Variants in FLI1 observed in about 807,000 individuals in gnomAD.
The protein encoded by FLI1 is Friend leukemia integration 1 transcription factor.
Under a neutral mutation model 53.1 loss-of-function variants are expected in FLI1, and 13 were observed. The observed-to-expected ratio is 0.24, with a 90% CI of 0.16 to 0.39. FLI1 has a LOEUF of 0.39. Among genes scored for constraint, FLI1 ranks in the 10% least tolerant of loss-of-function variants. The probability of loss-of-function intolerance (pLI) is 1.00; values close to 1 mark genes in which losing one functional copy is unlikely to be tolerated. For synonymous variants in FLI1, 244 were observed against 236.7 expected (o/e 1.03, Z -0.28); for missense variants, 424 against 600.5 (o/e 0.71, Z 3.07).
chr11:128,804,235 G>T (rs1342451008), intron 5 of FLI1: 1 of 152,206 alleles, frequency 6.6e-6, no homozygotes, highest in Non-Finnish European at 1.5e-5. Flanking sequence ...CTCAGAAGGG[G>T]CTGAAGGGCA....
chr11:128,752,239 A>C (rs763081849), intron 1 of FLI1, among the ~76,000 whole-genome samples: 3 of 151,442 alleles, frequency 2.0e-5, no homozygotes, highest in Non-Finnish European at 4.4e-5. Flanking sequence ...GCCTTCCAAA[A>C]TGCTGGGATT....
chr11:128,691,738 C>G (rs2135678911), upstream of FLI1: 1 of 152,576 alleles, frequency 6.6e-6, no homozygotes. Context: ...GTGGGGGAGG[C>G]AGCTGGTGCT....
intron 1 of FLI1, among the ~76,000 whole-genome samples, chr11:128,735,219 A>G (rs978436878): frequency 3.9e-5 from 6 of 152,234 alleles, no homozygotes; most frequent in Non-Finnish European, 7.3e-5. Context: ...TGTCATTATT[A>G]TTACTGATAA....
chr11:128,685,454 G>T (rs1010971172), upstream of FLI1, among the ~76,000 whole-genome samples: 1 of 152,154 alleles, frequency 6.6e-6, no homozygotes, highest in Non-Finnish European at 1.5e-5. Context: ...TGTTCTGGTT[G>T]CAGTCGGGAA....
chr11:128,782,321 T>C (rs77423161), intron 5 of FLI1, among the ~76,000 whole-genome samples: 2,006 of 152,312 alleles, frequency 0.013, 40 homozygotes, highest in African/African-American at 0.046. Flanking sequence ...AGTTGAAAGT[T>C]GGGAGTTTTC....
chr11:128,685,339 G>T (rs567739998), upstream of FLI1, among the ~76,000 whole-genome samples: 77 of 152,324 alleles, frequency 5.1e-4, no homozygotes, highest in Non-Finnish European at 9.0e-4. Context: ...CCGGAGTTCC[G>T]CTCCTGCGGG....
intron 1 of FLI1, among the ~76,000 whole-genome samples, chr11:128,753,698 A>G (rs1217623280): frequency 6.6e-6 from 1 of 152,256 alleles, no homozygotes; most frequent in Non-Finnish European, 1.5e-5. Context: ...CTCATGTGTA[A>G]CAAGCTGCAA....
intron 1 of FLI1, among the ~76,000 whole-genome samples, chr11:128,708,534 G>A (rs2135714368): frequency 6.6e-6 from 1 of 152,160 alleles, no homozygotes; most frequent in South Asian, 2.1e-4. Context: ...TTTGCCTTAG[G>A]CTGGCTTCGT....
intron 6 of FLI1, chr11:128,806,805 G>A (rs112884472): frequency 0.016 from 2,559 of 161,558 alleles, 75 homozygotes; most frequent in African/African-American, 0.057. Flanking sequence ...CTAACTTTCC[G>A]ATTTGAAAAT....
intron 1 of FLI1, among the ~76,000 whole-genome samples, chr11:128,696,414 G>A (rs1470562721): frequency 6.6e-6 from 1 of 152,180 alleles, no homozygotes; most frequent in Non-Finnish European, 1.5e-5. Context: ...TCCCACAATA[G>A]TTCAAATACT....
intron 1 of FLI1, among the ~76,000 whole-genome samples, chr11:128,729,543 T>C (rs1178066497): frequency 6.6e-6 from 1 of 152,198 alleles, no homozygotes; most frequent in Non-Finnish European, 1.5e-5. Context: ...GTGAGGCATA[T>C]GGCACTGCCC....
At chr11:128,791,626 T>C (rs1218227591) in intron 5 of FLI1, among the ~76,000 whole-genome samples, 2 of 152,136 alleles carry the variant, frequency 1.3e-5, no homozygotes, top group Non-Finnish European at 2.9e-5. Context: ...GAACTAACCC[T>C]TTGAGATGTT....
intron 1 of FLI1, among the ~76,000 whole-genome samples, chr11:128,732,285 C>G (rs1034067502): frequency 6.6e-6 from 1 of 152,208 alleles, no homozygotes; most frequent in Non-Finnish European, 1.5e-5. Context: ...AAGGTAGAAC[C>G]GTGCATCTTA....
In FLI1 at chr11:128,801,718, A is replaced by C. The variant is rs182015610; in HGVS notation, c.656-3648A>C. ...AGTGATATCATGAACAATAAGAAGA[A>C]TTGTGTGTATGTAGCAAGTAGGAGA... On this transcript the variant is annotated intron_variant, in intron 5 of 8. Transcript: ENST00000527786. 5.1e-4 allele frequency among the ~76,000 whole-genome samples: 77 copies of C among 152,304 alleles called. 1 individual carries two copies. Among genetic ancestry groups the C allele is most frequent in the African/African-American group, 1.7e-3 (69 of 41,552 alleles).
intron 5 of FLI1, among the ~76,000 whole-genome samples, chr11:128,803,171 T>C (rs1034560687): frequency 3.9e-5 from 6 of 152,208 alleles, no homozygotes; most frequent in Non-Finnish European, 7.3e-5. Context: ...TTACTTCTCT[T>C]CTACTTTCTG....
intron 1 of FLI1, among the ~76,000 whole-genome samples, chr11:128,687,694 C>A (rs1314285791): frequency 6.6e-6 from 1 of 152,118 alleles, no homozygotes; most frequent in Non-Finnish European, 1.5e-5. Flanking sequence ...TGCAGACTCT[C>A]GGGTCCTGTC....
intron 1 of FLI1, among the ~76,000 whole-genome samples, chr11:128,736,831 G>A (rs944496126): frequency 6.6e-5 from 10 of 152,080 alleles, no homozygotes; most frequent in African/African-American, 2.4e-4. Context: ...ACTTTTGTGG[G>A]TATCTGTGTG....
In FLI1 at chr11:128,810,396, C is replaced by T; in HGVS notation, c.830-63C>T. The T allele has an allele frequency of 6.7e-7, 1 of 1,482,136 alleles. No homozygotes were observed. Among genetic ancestry groups the T allele is most frequent in the Admixed American group, 2.6e-5 (1 of 38,538 alleles). The allele number at this position is 1,482,136 out of a possible 1,614,324, so 91.8% of individuals were successfully genotyped here. A position where few individuals can be genotyped will look rare whatever the true frequency, so the allele number is the denominator to read the frequency against. On this transcript the variant is annotated intron_variant, in intron 8 of 8. Transcript: ENST00000527786. The surrounding 1 kb of genome is among the most constrained non-coding windows in gnomAD (Gnocchi z 6.6). ...TGAGAAGCTCCCTGCATTTAGGGAA[C>T]TGGGTTCTGCCTTCTCTGGGCTGAG...
upstream of FLI1, chr11:128,693,083 C>T (rs976503906): frequency 2.6e-5 from 4 of 152,756 alleles, no homozygotes; most frequent in Admixed American, 6.5e-5. Context: ...AGTGTCAGTT[C>T]CCTGGGGACC....
Sources: allele counts gnomAD v4.1 joint callset (sites outside exome capture counted in the v4.1 genomes callset), GRCh38; gene constraint gnomAD v4.1.1; non-coding constraint Gnocchi (gnomAD v3.1); transcripts MANE v1.5; gene names NCBI Gene and HGNC (gene_info 2026-07-23, HGNC 2026-07-21).